KIAA0513: variants seen among roughly 807,000 people sequenced by gnomAD.
KIAA0513 encodes the protein KIAA0513, also known as uncharacterized protein KIAA0513.
Under a neutral mutation model 56.5 loss-of-function variants are expected in KIAA0513, and 39 were observed. The observed-to-expected ratio is 0.69, with a 90% CI of 0.53 to 0.90. KIAA0513 has a LOEUF of 0.90. KIAA0513 is among the 40% of genes least tolerant of loss of function. KIAA0513 has a pLI of 0.00. For synonymous variants in KIAA0513, 268 were observed against 215.6 expected (o/e 1.24, Z -2.13); for missense variants, 591 against 535.2 (o/e 1.10, Z -1.03).
Position 85,048,930 on chromosome 16 carries a change from G to A in KIAA0513, c.-172-17970G>A, listed in dbSNP as rs547777287. Among the ~76,000 whole-genome samples the A allele has an allele frequency of 2.6e-5, 4 of 152,328 alleles. No individual in the cohort carries two copies. In the South Asian group the frequency reaches 8.3e-4, roughly 32 times the overall value. ...GCCACAGCCCAGAGGGAGGTGGGGA[G>A]TGTGGTGGAAATTAAGAAAGCCTCA... is the stretch of plus-strand genomic sequence containing the variant. On this transcript the variant is annotated intron_variant, in intron 1 of 12. Transcript: ENST00000683363.
In KIAA0513 at chr16:85,067,239, C is replaced by A; in HGVS notation, c.168C>A (p.Asp56Glu). 6.2e-7 allele frequency: 1 copy of A among 1,614,144 alleles called. No individual in the cohort carries two copies. Among genetic ancestry groups the A allele is most frequent in the Non-Finnish European group, 8.5e-7 (1 of 1,180,010 alleles). The change falls in exon 2 of 13, where the codon GAC becomes GAA. Residue 56 changes from aspartate (D) to glutamate (E), a missense_variant. Transcript: ENST00000683363. Reference sequence around the variant, plus strand: ...CTGAGTCTGCGGACAGTGAGAATGACATGGGCGAGTCGCCCTCGCACCCGT... The same window carrying A: ...CTGAGTCTGCGGACAGTGAGAATGAAATGGGCGAGTCGCCCTCGCACCCGT... The part of the protein sequence containing the change: ...ETTESADSEN[D>E]MGESPSHPSW...
chr16:85,089,573 C>T lies in KIAA0513; in HGVS notation c.*1248C>T, dbSNP rs910936035. On this transcript the variant is annotated 3_prime_UTR_variant, in exon 13 of 13. Coordinates refer to ENST00000683363, the MANE Select transcript of KIAA0513 (RefSeq NM_001388359.1). This position sits in a 1 kb window ranked among gnomAD's most constrained non-coding sequence, Gnocchi z 4.2. Reference sequence around the variant, plus strand: ...CCGTGCGTGGACACTGCTAGGCCGCCTGGGGTCCCCTGCCTCCTGCCTGTC... The same window carrying T: ...CCGTGCGTGGACACTGCTAGGCCGCTTGGGGTCCCCTGCCTCCTGCCTGTC... The T allele has an allele frequency of 4.6e-5, 7 of 152,558 alleles. No homozygotes were observed. Among genetic ancestry groups the T allele is most frequent in the African/African-American group, 1.7e-4 (7 of 41,468 alleles). 9.5% of individuals were successfully genotyped at this position (152,558 alleles called of 1,614,324 possible).
rs16975222 is a variant in KIAA0513, at chr16:85,092,854, C to T, written c.*4529C>T. The T allele has an allele frequency of 0.27, 40,573 of 152,136 alleles. 5,605 individuals carry two copies. The highest frequency in any genetic ancestry group is 0.34 in the Middle Eastern group (102 of 296). The allele number at this position is 152,136 out of a possible 1,614,324, so 9.4% of individuals were successfully genotyped here. A position where few individuals can be genotyped will look rare whatever the true frequency, so the allele number is the denominator to read the frequency against. ...CACGCACCCCAGGAACCCTTGCTGC[C>T]GCGGGCCAGGAACAGGAATGTGTTG... is the stretch of plus-strand genomic sequence containing the variant. On this transcript the variant is annotated 3_prime_UTR_variant, in exon 13 of 13. Transcript: ENST00000683363.
intron 1 of KIAA0513, among the ~76,000 whole-genome samples, chr16:85,056,172 G>A (rs1039025009): frequency 1.3e-5 from 2 of 152,246 alleles, no homozygotes; most frequent in Non-Finnish European, 2.9e-5. Flanking sequence ...TGCGATGGAC[G>A]GCACGACGGT....
chr16:85,068,690 C>T (rs577973520), intron 2 of KIAA0513, among the ~76,000 whole-genome samples: 229 of 152,280 alleles, frequency 1.5e-3, no homozygotes, highest in African/African-American at 5.2e-3. Flanking sequence ...TGGTCTCGAA[C>T]TCCTGACTTC....
chr16:85,082,718 C>G (rs2073761034), intron 10 of KIAA0513, 125 bp downstream of exon 10: 3 of 1,019,810 alleles, frequency 2.9e-6, no homozygotes, highest in Non-Finnish European at 4.3e-6. Flanking sequence ...CAGGTGCAGC[C>G]TGGTGGCCGG....
chr16:85,072,583 G>C (rs1032854478), intron 3 of KIAA0513, among the ~76,000 whole-genome samples: 10 of 152,066 alleles, frequency 6.6e-5, no homozygotes, highest in African/African-American at 2.4e-4. Context: ...GCAAAGAGAA[G>C]TTAATTACCC....
intron 11 of KIAA0513, 128 bp from the exon 12 acceptor site, chr16:85,086,944 C>T: frequency 1.1e-6 from 1 of 918,526 alleles, no homozygotes; most frequent in Non-Finnish European, 1.7e-6. Flanking sequence ...AATTAGGCAG[C>T]AGTGCGTTTT....
In KIAA0513 at chr16:85,082,720, G is replaced by A; in HGVS notation, c.1010+127G>A. On this transcript the variant is annotated intron_variant, in intron 10 of 12. Transcript: ENST00000683363. ...CACAGCCCAGACGCAGGTGCAGCCT[G>A]GTGGCCGGCGGGGAGGGCGGCCCTG... 7 of 987,198 alleles carry A rather than the reference G, an allele frequency of 7.1e-6. No homozygotes were observed. In the South Asian group the frequency reaches 9.9e-5, roughly 14 times the overall value. 61.2% of individuals were successfully genotyped at this position (987,198 alleles called of 1,614,324 possible).
chr16:85,083,494 C>G (rs917597596), intron 10 of KIAA0513, among the ~76,000 whole-genome samples: 1 of 152,236 alleles, frequency 6.6e-6, no homozygotes, highest in East Asian at 1.9e-4. Flanking sequence ...TAGGTTTTCA[C>G]TGACTCTCTG....
intron 6 of KIAA0513, 95 bp downstream of exon 6, chr16:85,077,727 G>A: frequency 2.2e-6 from 2 of 904,158 alleles, no homozygotes; most frequent in Non-Finnish European, 3.4e-6. Context: ...TGCGGGTGAG[G>A]CCCAGAGACT....
chr16:85,041,987 T>A (rs1235662256), intron 1 of KIAA0513, among the ~76,000 whole-genome samples: 1 of 152,174 alleles, frequency 6.6e-6, no homozygotes, highest in Non-Finnish European at 1.5e-5. Flanking sequence ...GCCAAGCCCC[T>A]ACCCATTTGC....
intron 1 of KIAA0513, among the ~76,000 whole-genome samples, chr16:85,031,256 G>A (rs1000317635): frequency 2.0e-5 from 3 of 152,090 alleles, no homozygotes; most frequent in East Asian, 1.9e-4. Context: ...CAGGGTGGGC[G>A]GATCACTTGA....
chr16:85,052,385 A>C (rs2073265838), intron 1 of KIAA0513, among the ~76,000 whole-genome samples: 1 of 151,992 alleles, frequency 6.6e-6, no homozygotes, highest in Admixed American at 6.6e-5. Context: ...GGTGTCAGGC[A>C]CCTGTAATCC....
intron 1 of KIAA0513, among the ~76,000 whole-genome samples, chr16:85,056,452 C>T (rs2073330649): frequency 6.6e-6 from 1 of 152,202 alleles, no homozygotes; most frequent in Admixed American, 6.5e-5. Flanking sequence ...GGAGCCAGGG[C>T]AGCTTCACAG....
chr16:85,051,803 T>A (rs949323694), intron 1 of KIAA0513, among the ~76,000 whole-genome samples: 1 of 151,706 alleles, frequency 6.6e-6, no homozygotes, highest in Non-Finnish European at 1.5e-5. Flanking sequence ...TTGGTAGCTC[T>A]CGCCTTTTCC....
At position 85,055,128 on chromosome 16, in the gene KIAA0513, G is replaced by A. The variant is rs941205965; in HGVS notation, c.-172-11772G>A. Among the ~76,000 whole-genome samples the A allele has an allele frequency of 3.9e-5, 6 of 152,134 alleles. No individual in the cohort carries two copies. The East Asian group carries it at 9.7e-4, about 25-fold the overall frequency. ...TTTTAGAGACAGAGTCTCACTGTGT[G>A]CCCAGGCTGGTCTCAAACTCCTGGA... is the stretch of plus-strand genomic sequence containing the variant. On this transcript the variant is annotated intron_variant, in intron 1 of 12. Coordinates refer to ENST00000683363, the MANE Select transcript of KIAA0513 (RefSeq NM_001388359.1).
chr16:85,033,601 A>T (rs1325259982), intron 1 of KIAA0513, among the ~76,000 whole-genome samples: 3 of 151,480 alleles, frequency 2.0e-5, no homozygotes, highest in Non-Finnish European at 4.4e-5. Context: ...TCTGCATCTC[A>T]TATCTGACCA....
chr16:85,037,514 A>G (rs2073051081), intron 1 of KIAA0513, among the ~76,000 whole-genome samples: 1 of 152,206 alleles, frequency 6.6e-6, no homozygotes, highest in Admixed American at 6.5e-5. Context: ...CAGTGTCCAT[A>G]TGTCAATGTC....
Sources: allele counts gnomAD v4.1 joint callset (sites outside exome capture counted in the v4.1 genomes callset), GRCh38; gene constraint gnomAD v4.1.1; non-coding constraint Gnocchi (gnomAD v3.1); transcripts MANE v1.5; gene names NCBI Gene and HGNC (gene_info 2026-07-23, HGNC 2026-07-21).